The following RIMS4 variants were observed in gnomAD, a reference collection of about 807,000 sequenced individuals.
The protein encoded by RIMS4 is regulating synaptic membrane exocytosis protein 4.
RIMS4 carries 9 observed loss-of-function variants against 29.0 expected under a neutral mutation model. The observed-to-expected ratio is 0.31, with a 90% CI of 0.19 to 0.54. The LOEUF (loss-of-function observed/expected upper bound fraction) is 0.54, where lower values mean the gene tolerates loss of function less well. Among genes scored for constraint, RIMS4 ranks in the 20% least tolerant of loss-of-function variants. The probability of loss-of-function intolerance (pLI) is 0.94; values close to 1 mark genes in which losing one functional copy is unlikely to be tolerated. For synonymous variants in RIMS4, 130 were observed against 152.9 expected (o/e 0.85, Z 1.10); for missense variants, 193 against 365.7 (o/e 0.53, Z 3.85).
chr20:44,764,255 C>CGTCCATT (rs1325046131), intron 2 of RIMS4, among the ~76,000 whole-genome samples: 1 of 144,322 alleles, frequency 6.9e-6, no homozygotes, highest in African/African-American at 2.6e-5. Flanking sequence ...TCCATCCATC[C>CGTCCATT]TCCCACAAAC....
At chr20:44,803,041 C>A (rs976659143) in intron 1 of RIMS4, among the ~76,000 whole-genome samples, 2 of 152,190 alleles carry the variant, frequency 1.3e-5, no homozygotes, top group African/African-American at 4.8e-5. Context: ...TTAACATTAT[C>A]TCCTAGCCCA....
At chr20:44,778,504 T>C (rs902679544) in intron 1 of RIMS4, among the ~76,000 whole-genome samples, 2 of 152,012 alleles carry the variant, frequency 1.3e-5, no homozygotes, top group Non-Finnish European at 2.9e-5. Context: ...AGTGAGACCC[T>C]GCCTCTATAA....
chr20:44,792,920 A>T (rs956546982), intron 1 of RIMS4, among the ~76,000 whole-genome samples: 37 of 152,250 alleles, frequency 2.4e-4, no homozygotes, highest in Non-Finnish European at 4.7e-4. Context: ...TGCCCGACTG[A>T]GAAGGGGCAC....
intron 2 of RIMS4, 141 bp downstream of exon 2, chr20:44,771,134 T>A: frequency 1.1e-6 from 1 of 911,624 alleles, no homozygotes; most frequent in Non-Finnish European, 1.5e-6. Context: ...CTTCTGAAGA[T>A]GGGGGATGAA....
In RIMS4 at chr20:44,780,855, T is replaced by C. The variant is rs983726379; in HGVS notation, c.98-9442A>G. On this transcript the variant is annotated intron_variant, in intron 1 of 5. Transcript: ENST00000372851. The stretch of plus-strand genomic sequence containing the variant: ...CATAAAGACACAGAGATGAAGTGAG[T>C]GAAAGCAAGAGGGGCAAAAGGCACA... 3.9e-5 allele frequency among the ~76,000 whole-genome samples: 6 copies of C among 151,928 alleles called. No individual in the cohort carries two copies. In the South Asian group the frequency reaches 1.3e-3, roughly 32 times the overall value.
chr20:44,793,968 CT>C (rs1265371549), intron 1 of RIMS4, among the ~76,000 whole-genome samples: 1 of 152,170 alleles, frequency 6.6e-6, no homozygotes, highest in Non-Finnish European at 1.5e-5. Flanking sequence ...TTTTGGGACG[CT>C]GAGGCAGGAG....
intron 1 of RIMS4, among the ~76,000 whole-genome samples, chr20:44,805,241 G>C (rs1265197954): frequency 1.3e-5 from 2 of 152,122 alleles, no homozygotes; most frequent in Admixed American, 1.3e-4. Flanking sequence ...GGGAGGTAGA[G>C]ATGGCAGCGA....
intron 2 of RIMS4, among the ~76,000 whole-genome samples, chr20:44,766,873 C>T (rs1232072479): frequency 1.3e-5 from 2 of 152,178 alleles, no homozygotes; most frequent in Non-Finnish European, 2.9e-5. Flanking sequence ...GCTTCTCTAG[C>T]CTCAAGAGCC....
chr20:44,776,208 G>C (rs961819476), intron 1 of RIMS4, among the ~76,000 whole-genome samples: 5 of 152,104 alleles, frequency 3.3e-5, no homozygotes, highest in Admixed American at 6.5e-5. Flanking sequence ...GCTTGAGCTT[G>C]GGAGGTTGAG....
At chr20:44,793,968 C>T (rs2066244062) in intron 1 of RIMS4, among the ~76,000 whole-genome samples, 1 of 152,170 alleles carries the variant, frequency 6.6e-6, no homozygotes, top group Admixed American at 6.5e-5. Flanking sequence ...TTTTGGGACG[C>T]TGAGGCAGGA....
chr20:44,759,313 G>A (rs1364663376), intron 2 of RIMS4, among the ~76,000 whole-genome samples: 3 of 152,082 alleles, frequency 2.0e-5, no homozygotes, highest in South Asian at 2.1e-4. Context: ...GCAGTGGCAC[G>A]GTCTTGGCTC....
At chr20:44,803,215 A>G (rs1246940829) in intron 1 of RIMS4, among the ~76,000 whole-genome samples, 1 of 152,236 alleles carries the variant, frequency 6.6e-6, no homozygotes, top group East Asian at 1.9e-4. Context: ...CACCTAGAAC[A>G]TTAACACTGA....
chr20:44,754,386 C>A lies in RIMS4; in HGVS notation c.*1748G>T. The A allele has an allele frequency of 6.3e-6, 1 of 157,554 alleles. No individual in the cohort carries two copies. Among genetic ancestry groups the A allele is most frequent in the Non-Finnish European group, 1.4e-5 (1 of 70,250 alleles). 9.8% of individuals were successfully genotyped at this position (157,554 alleles called of 1,614,324 possible). On this transcript the variant is annotated 3_prime_UTR_variant, in exon 6 of 6. Coordinates refer to ENST00000372851, the MANE Select transcript of RIMS4 (RefSeq NM_182970.4). ...AAGAATTTCCGGGTGGAAGGAGTTG[C>A]CTGGTGGGACTGGGACCGGGACCGG...
At chr20:44,780,585 C>T (rs2066179861) in intron 1 of RIMS4, among the ~76,000 whole-genome samples, 1 of 152,160 alleles carries the variant, frequency 6.6e-6, no homozygotes, top group African/African-American at 2.4e-5. Flanking sequence ...GCTCAGCACT[C>T]ATCATTTCAT....
chr20:44,770,785 G>C (rs1046371899), intron 2 of RIMS4, among the ~76,000 whole-genome samples: 11 of 152,122 alleles, frequency 7.2e-5, no homozygotes, highest in African/African-American at 2.7e-4. Context: ...AAAACCAACG[G>C]GATTTAGGAA....
intron 2 of RIMS4, among the ~76,000 whole-genome samples, chr20:44,764,726 C>T (rs909748558): frequency 4.5e-4 from 68 of 152,172 alleles, no homozygotes; most frequent in Admixed American, 3.9e-3. Context: ...CAGTGCTCCT[C>T]GTGGATGAAA....
intron 1 of RIMS4, among the ~76,000 whole-genome samples, chr20:44,783,078 A>G (rs190270035): frequency 6.6e-6 from 1 of 152,324 alleles, no homozygotes; most frequent in Admixed American, 6.5e-5. Context: ...AGTGTCCCTG[A>G]TTCTCAGAAA....
At chr20:44,807,047 T>C (rs1056079281) in intron 1 of RIMS4, among the ~76,000 whole-genome samples, 1 of 151,560 alleles carries the variant, frequency 6.6e-6, no homozygotes, top group East Asian at 2.0e-4. Context: ...CCTCCCCGAT[T>C]ACAAACCCAG....
In RIMS4 at chr20:44,772,870, G is replaced by A. The variant is rs7262647; in HGVS notation, c.98-1457C>T. ...AGCAGGGCAAGCCAGGACAGCTCCC[G>A]CCGGCCTTCTCCTGGCCTCCCTCCT... On this transcript the variant is annotated intron_variant, in intron 1 of 5. Transcript: ENST00000372851. Among the ~76,000 whole-genome samples the A allele has an allele frequency of 9.1e-3, 1,381 of 152,178 alleles. 20 individuals carry two copies. Among genetic ancestry groups the A allele is most frequent in the African/African-American group, 0.031 (1,300 of 41,522 alleles).
Sources: allele counts gnomAD v4.1 joint callset (sites outside exome capture counted in the v4.1 genomes callset), GRCh38; gene constraint gnomAD v4.1.1; transcripts MANE v1.5; gene names NCBI Gene and HGNC (gene_info 2026-07-23, HGNC 2026-07-21).